CPA6: variants seen among roughly 807,000 people sequenced by gnomAD.
CPA6 encodes the protein carboxypeptidase A6.
In CPA6, 58 loss-of-function variants were observed where a neutral mutation model predicts 63.3. That is an observed-to-expected ratio of 0.92 (90% CI 0.74 to 1.14). The LOEUF is 1.14. Ranked by LOEUF, CPA6 falls within the 50% of genes most tolerant of loss-of-function variation. The probability of loss-of-function intolerance (pLI) is 0.00; values close to 1 mark genes in which losing one functional copy is unlikely to be tolerated. For missense variants in CPA6, 565 were observed against 526.6 expected (o/e 1.07, Z -0.71); for synonymous variants, 185 against 179.0 (o/e 1.03, Z -0.27).
chr8:67,688,567 T>C (rs1296406721), intron 1 of CPA6, among the ~76,000 whole-genome samples: 1 of 152,202 alleles, frequency 6.6e-6, no homozygotes, highest in Non-Finnish European at 1.5e-5. Flanking sequence ...GGGAATCGTA[T>C]TGCAGGCTAT....
At chr8:67,595,757 A>T (rs897430659) in intron 2 of CPA6, among the ~76,000 whole-genome samples, 2 of 152,144 alleles carry the variant, frequency 1.3e-5, no homozygotes, top group Non-Finnish European at 2.9e-5. Context: ...TTCGGGTGGG[A>T]GTGGCCTGAT....
At chr8:67,520,372 T>C (rs996581594) in intron 2 of CPA6, among the ~76,000 whole-genome samples, 1 of 152,190 alleles carries the variant, frequency 6.6e-6, no homozygotes, top group Admixed American at 6.5e-5. Flanking sequence ...TCTCACAAAG[T>C]GTGCTCAGAA....
intron 1 of CPA6, among the ~76,000 whole-genome samples, chr8:67,725,292 C>T (rs1397676172): frequency 6.6e-6 from 1 of 152,098 alleles, no homozygotes; most frequent in Admixed American, 6.6e-5. Context: ...TTAGTGCTAG[C>T]CCTTTATATT....
chr8:67,584,509 AT>A (rs1024059783), intron 2 of CPA6, among the ~76,000 whole-genome samples: 4 of 152,006 alleles, frequency 2.6e-5, no homozygotes, highest in Non-Finnish European at 4.4e-5. Flanking sequence ...GAATGTTATG[AT>A]TTTTTTTGAT....
intron 2 of CPA6, among the ~76,000 whole-genome samples, chr8:67,619,946 G>A (rs1213960660): frequency 1.3e-5 from 2 of 152,172 alleles, no homozygotes; most frequent in African/African-American, 4.8e-5. Context: ...AACTCTTGTT[G>A]TTTCAGTATA....
At chr8:67,515,067 C>A (rs1812115044) in intron 3 of CPA6, among the ~76,000 whole-genome samples, 1 of 152,204 alleles carries the variant, frequency 6.6e-6, no homozygotes, top group Non-Finnish European at 1.5e-5. Context: ...ACTGGGCCCT[C>A]ACTATTAACT....
At chr8:67,446,684 C>T (rs959647439) in intron 8 of CPA6, among the ~76,000 whole-genome samples, 18 of 152,168 alleles carry the variant, frequency 1.2e-4, no homozygotes, top group Non-Finnish European at 2.1e-4. Flanking sequence ...GTTATTGTGA[C>T]GTGTTTTCAT....
At chr8:67,497,502 T>C (rs921280618) in intron 6 of CPA6, among the ~76,000 whole-genome samples, 3 of 152,222 alleles carry the variant, frequency 2.0e-5, no homozygotes, top group African/African-American at 7.2e-5. Flanking sequence ...CATCAGTTGA[T>C]GGCCACTTTT....
chr8:67,523,688 C>CT (rs1812305598), intron 2 of CPA6, among the ~76,000 whole-genome samples: 1 of 152,218 alleles, frequency 6.6e-6, no homozygotes, highest in African/African-American at 2.4e-5. Flanking sequence ...GCTGTGCTTA[C>CT]TTATTGGCCT....
intron 1 of CPA6, among the ~76,000 whole-genome samples, chr8:67,680,963 T>C (rs1469638364): frequency 6.6e-6 from 1 of 152,182 alleles, no homozygotes; most frequent in African/African-American, 2.4e-5. Flanking sequence ...TTGAATGTTT[T>C]CTTGAGTTTC....
At chr8:67,429,489 G>T (rs1809970817) in intron 9 of CPA6, among the ~76,000 whole-genome samples, 1 of 152,160 alleles carries the variant, frequency 6.6e-6, no homozygotes, top group Admixed American at 6.6e-5. Flanking sequence ...TCCTCATTCA[G>T]CTCAGAAATG....
chr8:67,569,337 A>T (rs2128976091), intron 2 of CPA6: 1 of 180,442 alleles, frequency 5.5e-6, no homozygotes, highest in South Asian at 1.2e-4. Context: ...AAAGTGTTGA[A>T]GAAAAAGAAG....
intron 2 of CPA6, among the ~76,000 whole-genome samples, chr8:67,540,608 C>T (rs1020826854): frequency 1.3e-5 from 2 of 152,356 alleles, no homozygotes; most frequent in Admixed American, 6.5e-5. Context: ...GTGCCAGCCG[C>T]CCCTTCCTCC....
chr8:67,424,034 T>C (rs1425142798), intron 10 of CPA6, among the ~76,000 whole-genome samples: 2 of 152,140 alleles, frequency 1.3e-5, no homozygotes, highest in Non-Finnish European at 2.9e-5. Flanking sequence ...TAGATTCTCA[T>C]AGGAACATGA....
At chr8:67,669,602 G>C (rs1033403256) in intron 1 of CPA6, among the ~76,000 whole-genome samples, 1 of 152,134 alleles carries the variant, frequency 6.6e-6, no homozygotes, top group African/African-American at 2.4e-5. Flanking sequence ...TTGTAATCTA[G>C]TTTCTTAGGT....
At chr8:67,506,702 CA>C (rs1811933342) in intron 6 of CPA6, 84 bp downstream of exon 6, 2 of 866,588 alleles carry the variant, frequency 2.3e-6, no homozygotes, top group African/African-American at 3.3e-5. Flanking sequence ...TCATTGGTTT[CA>C]AATTCCCACT....
chr8:67,717,035 A>G (rs888567258), intron 1 of CPA6, among the ~76,000 whole-genome samples: 1 of 152,210 alleles, frequency 6.6e-6, no homozygotes, highest in Non-Finnish European at 1.5e-5. Flanking sequence ...AAATAAAAAC[A>G]ATAACAGAAT....
chr8:67,490,681 C>T (rs1811584417), intron 6 of CPA6, among the ~76,000 whole-genome samples: 1 of 152,166 alleles, frequency 6.6e-6, no homozygotes, highest in Non-Finnish European at 1.5e-5. Context: ...TCTGCCAAGA[C>T]TATTTTGGCC....
chr8:67,503,974 A>C (rs999342285), intron 6 of CPA6, among the ~76,000 whole-genome samples: 1 of 149,552 alleles, frequency 6.7e-6, no homozygotes, highest in East Asian at 1.9e-4. Flanking sequence ...TCATTGTTCA[A>C]CTCCCACTTA....
Sources: allele counts gnomAD v4.1 joint callset (sites outside exome capture counted in the v4.1 genomes callset), GRCh38; gene constraint gnomAD v4.1.1; transcripts MANE v1.5; gene names NCBI Gene and HGNC (gene_info 2026-07-23, HGNC 2026-07-21).